The following CYP4A11 variants were observed in gnomAD, a reference collection of about 807,000 sequenced individuals.
CYP4A11 encodes the protein cytochrome P450 family 4 subfamily A member 11.
Under a neutral mutation model 57.7 loss-of-function variants are expected in CYP4A11, and 52 were observed. The ratio of observed to expected loss-of-function variants is 0.90; its 90% confidence interval spans 0.72 to 1.14. CYP4A11 has a LOEUF of 1.14. Ranked by LOEUF, CYP4A11 falls within the 50% of genes most tolerant of loss-of-function variation. CYP4A11 has a pLI of 0.00. For synonymous variants in CYP4A11, 228 were observed against 247.1 expected, an observed-to-expected ratio of 0.92 and a Z score of 0.72; for missense variants, 641 against 642.1, an observed-to-expected ratio of 1.00 and a Z score of 0.02.
At chr1:46,931,928 G>A in intron 11 of CYP4A11, 1 of 983,716 alleles carries the variant, frequency 1.0e-6, no homozygotes, top group Non-Finnish European at 1.2e-6. Context: ...AATTTCAAGT[G>A]TGTTTTATAT....
intron 2 of CYP4A11, 120 bp from the exon 3 acceptor site, chr1:46,937,466 A>G (rs778694267): frequency 1.0e-6 from 1 of 967,114 alleles, no homozygotes; most frequent in Non-Finnish European, 1.6e-6. Context: ...CTCCCACTTG[A>G]CTCCCATCCA....
rs1214603740 is a variant in CYP4A11 at position 46,937,998 on chromosome 1, G to T, written c.335C>A (p.Ser112Ter). The change falls in exon 2 of 12, where the codon TCA (serine) becomes TAA (stop). Residue 112 changes from serine (S) to a stop codon, truncating the protein, a stop_gained and splice_region_variant. Coordinates refer to ENST00000310638, the MANE Select transcript of CYP4A11 (RefSeq NM_000778.4). LOFTEE classifies it high-confidence loss of function. ...TTGGGATGGGGGTTCGATCTCACCT[G>T]ATCTCCCCAGAATCACCTTCATATA... ...PDYMKVILGR[S>*]DPKSHGSYRF... is the part of the protein sequence containing the mutation. 1 of 1,613,922 alleles carries T rather than the reference G, an allele frequency of 6.2e-7. No individual in the cohort carries two copies. The highest frequency in any genetic ancestry group is 1.7e-5 in the Admixed American group (1 of 59,990).
intron 1 of CYP4A11, among the ~76,000 whole-genome samples, chr1:46,938,482 GA>G (rs1681555585): frequency 6.6e-6 from 1 of 152,130 alleles, no homozygotes. Flanking sequence ...TATATCTAGA[GA>G]ATAAAATGAA....
At chr1:46,940,958 A>T in intron 1 of CYP4A11, 1 of 985,358 alleles carries the variant, frequency 1.0e-6, no homozygotes, top group African/African-American at 1.7e-5. Context: ...CAGTCTGGAG[A>T]CAATCAGGCA....
chr1:46,930,192 C>T lies in CYP4A11; in HGVS notation c.1483G>A (p.Val495Met). ...TGGATTCCATTTTTGGATTTCAACACAAGTCGTGCAATGGGGATGGGGATC... is the reference window on the plus strand; with the variant it reads ...TGGATTCCATTTTTGGATTTCAACATAAGTCGTGCAATGGGGATGGGGATC... ...TRIPIPIARL[V>M]LKSKNGIHLR... is the part of the protein sequence containing the mutation. Residue 495 changes from valine (V) to methionine (M), a missense_variant, in exon 12 of 12, where the codon GTG (valine) becomes ATG (methionine). By Grantham distance (21) the Val-to-Met change is conservative. Transcript: ENST00000310638. 1 of 1,614,048 alleles carries T rather than the reference C, an allele frequency of 6.2e-7. No homozygotes were observed. Among genetic ancestry groups the T allele is most frequent in the Non-Finnish European group, 8.5e-7 (1 of 1,179,980 alleles).
At position 46,930,288 on chromosome 1, in the gene CYP4A11, C is replaced by G; in HGVS notation, c.1387G>C (p.Ala463Pro). ...GSRNCIGKQFAMNELKVATAL... is the reference protein window; with the variant it reads ...GSRNCIGKQFPMNELKVATAL... ...GTGGCCACCTTCAGCTCGTTCATGG[C>G]AAATTGTTTCCCGATGCAGTTCCTG... The change falls in exon 12 of 12, where the codon GCC (alanine) becomes CCC (proline). Residue 463 changes from alanine (A) to proline (P), a missense_variant. Ala to Pro is a conservative substitution (Grantham distance 27, BLOSUM62 -1). Transcript: ENST00000310638. The G allele has an allele frequency of 6.2e-7, 1 of 1,613,314 alleles. No homozygotes were observed. Among genetic ancestry groups the G allele is most frequent in the Non-Finnish European group, 8.5e-7 (1 of 1,179,576 alleles).
At chr1:46,930,514 T>A (rs1680957088) in intron 11 of CYP4A11, among the ~76,000 whole-genome samples, 1 of 152,178 alleles carries the variant, frequency 6.6e-6, no homozygotes, top group Non-Finnish European at 1.5e-5. Context: ...GCCGTCTTCC[T>A]GGGCTAGCTC....
chr1:46,941,037 C>G, intron 1 of CYP4A11: 1 of 975,838 alleles, frequency 1.0e-6, no homozygotes, highest in Admixed American at 6.2e-5. Flanking sequence ...GGTGATAGAG[C>G]TGAGGACCAG....
Position 46,938,087 on chromosome 1 carries a change from G to A in CYP4A11, c.246C>T (p.Phe82=). ...LQRIQKWVET[F]PSACPHWLWG... The stretch of plus-strand genomic sequence containing the variant: ...ATAGCCAATGAGGACAGGCACTTGG[G>A]AATGTCTCCACCCATTTCTGAATCC... Residue 82 remains phenylalanine (F), a synonymous_variant, in exon 2 of 12, where the codon TTC becomes TTT. Transcript: ENST00000310638. 6.2e-7 allele frequency: 1 copy of A among 1,614,214 alleles called. No individual in the cohort carries two copies. The highest frequency in any genetic ancestry group is 8.5e-7 in the Non-Finnish European group (1 of 1,180,040).
intron 2 of CYP4A11, 95 bp downstream of exon 2, chr1:46,937,901 G>C: frequency 6.4e-7 from 1 of 1,560,878 alleles, no homozygotes; most frequent in Non-Finnish European, 8.7e-7. Flanking sequence ...AGATATTGAT[G>C]TTTGAACAGC....
At position 46,929,957 on chromosome 1, in the gene CYP4A11, G is replaced by A. The variant is rs1680908841; in HGVS notation, c.*158C>T. 11 of 1,035,662 alleles carry A rather than the reference G, an allele frequency of 1.1e-5. No individual in the cohort carries two copies. The highest frequency in any genetic ancestry group is 1.5e-5 in the Non-Finnish European group (11 of 724,212). 64.2% of individuals were successfully genotyped at this position (1,035,662 alleles called of 1,614,324 possible). The stretch of plus-strand genomic sequence containing the variant: ...TAGGAGACAGGTAGACAAGCAGGTA[G>A]GGAGCCTGGAGAAAGGTGAGAGAGA... On this transcript the variant is annotated 3_prime_UTR_variant, in exon 12 of 12. Transcript: ENST00000310638.
At chr1:46,932,620 G>A (rs569023065) in intron 11 of CYP4A11, 141 bp downstream of exon 11, 2 of 1,568,162 alleles carry the variant, frequency 1.3e-6, no homozygotes, top group East Asian at 2.3e-5. Context: ...CCCACACCAG[G>A]TGCCTGACTT....
chr1:46,936,865 G>A (rs761779481), intron 3 of CYP4A11, 74 bp from the exon 4 acceptor site: 61 of 1,517,932 alleles, frequency 4.0e-5, no homozygotes, highest in Non-Finnish European at 4.6e-5. Flanking sequence ...AAGGAGCTAG[G>A]GATGACTGGT....
At chr1:46,937,380 G>A in intron 2 of CYP4A11, 34 bp from the exon 3 acceptor site, 1 of 1,609,114 alleles carries the variant, frequency 6.2e-7, no homozygotes, top group Non-Finnish European at 8.5e-7. Context: ...TAGGAAACTA[G>A]GAGTTACTAA....
In CYP4A11 at chr1:46,935,633, C is replaced by A. The variant is rs143018352; in HGVS notation, c.525G>T (p.Glu175Asp). 3.7e-6 allele frequency: 6 copies of A among 1,613,638 alleles called. No homozygotes were observed. The highest frequency in any genetic ancestry group is 5.1e-6 in the Non-Finnish European group (6 of 1,179,760). Residue 175 changes from glutamate (E) to aspartate (D), a missense_variant, in exon 5 of 12, where the codon GAG (glutamate) becomes GAT (aspartate). Glu to Asp is a conservative substitution (Grantham distance 45, BLOSUM62 2). Coordinates refer to ENST00000310638, the MANE Select transcript of CYP4A11 (RefSeq NM_000778.4). Reference protein sequence around the residue: ...SVRVMLDKWEELLGQDSPLEV... With the variant: ...SVRVMLDKWEDLLGQDSPLEV... The stretch of plus-strand genomic sequence containing the variant: ...CCAGAGGGGAATCCTGGCCAAGGAG[C>A]TCTTCCCATTTGTCCTGTGGTGGGA...
chr1:46,934,441 A>G lies in CYP4A11; in HGVS notation c.897+12T>C. 1.2e-6 allele frequency: 2 copies of G among 1,612,914 alleles called. No individual in the cohort carries two copies. Among genetic ancestry groups the G allele is most frequent in the South Asian group, 1.1e-5 (1 of 90,916 alleles). On this transcript the variant is annotated intron_variant, in intron 7 of 11. Coordinates refer to ENST00000310638, the MANE Select transcript of CYP4A11 (RefSeq NM_000778.4). ...CTGGGCAAAGACTCAGGCCTCTCCT[A>G]CACATACTCACTTTGGCCAAGAGGA...
At chr1:46,932,635 A>C (rs1681092356) in intron 11 of CYP4A11, 126 bp downstream of exon 11, 2 of 1,583,756 alleles carry the variant, frequency 1.3e-6, no homozygotes, top group Admixed American at 1.7e-5. Context: ...TGACTTTCCC[A>C]CAAATACCAA....
chr1:46,941,228 T>A lies in CYP4A11; in HGVS notation c.195+11A>T, dbSNP rs1386805742. Reference sequence around the variant, plus strand: ...TTTGCCCTCCCACTCCCCCATTGAGTTCCTCCCTACCTCCTGGATGTGCCC... The same window carrying A: ...TTTGCCCTCCCACTCCCCCATTGAGATCCTCCCTACCTCCTGGATGTGCCC... On this transcript the variant is annotated intron_variant, in intron 1 of 11. Coordinates refer to ENST00000310638, the MANE Select transcript of CYP4A11 (RefSeq NM_000778.4). The A allele has an allele frequency of 3.7e-6, 6 of 1,608,974 alleles. No individual in the cohort carries two copies. The highest frequency in any genetic ancestry group is 5.1e-6 in the Non-Finnish European group (6 of 1,176,798).
chr1:46,940,761 T>G, intron 1 of CYP4A11: 3 of 985,458 alleles, frequency 3.0e-6, no homozygotes, highest in Non-Finnish European at 3.6e-6. Context: ...TCCTGCAGTC[T>G]GACACCTTCT....
Sources: gnomAD v4.1 joint callset for allele counts (sites outside exome capture counted in the v4.1 genomes callset) on GRCh38, gnomAD v4.1.1 for gene constraint, MANE v1.5 for transcripts, NCBI Gene and HGNC (gene_info 2026-07-23, HGNC 2026-07-21) for gene names.